The following ZNF142 variants were observed in gnomAD, a reference collection of about 807,000 sequenced individuals.
ZNF142 encodes zinc finger protein 142 (clone pHZ-49).
ZNF142 carries 96 observed loss-of-function variants against 132.1 expected under a neutral mutation model. The observed-to-expected ratio is 0.73, with a 90% CI of 0.62 to 0.86. The LOEUF is 0.86. ZNF142 is among the 40% of genes least tolerant of loss of function. ZNF142 has a pLI of 0.00. For missense variants in ZNF142, 2,163 were observed against 2,336.2 expected (o/e 0.93, Z 1.53); for synonymous variants, 842 against 890.1 (o/e 0.95, Z 0.96).
rs746240209 is a variant in ZNF142, at chr2:218,642,997, A to T, written c.4119T>A (p.Cys1373Ter). 6.2e-7 allele frequency: 1 copy of T among 1,611,882 alleles called. No individual in the cohort carries two copies. The highest frequency in any genetic ancestry group is 2.2e-5 in the East Asian group (1 of 44,820). Reference sequence around the variant, plus strand: ...GTTTACAGGTGAAGCCACAGTCCCCACACTGTAGATGGGGCCGGGGCCCAC... The same window carrying T: ...GTTTACAGGTGAAGCCACAGTCCCCTCACTGTAGATGGGGCCGGGGCCCAC... ...PARGPRPHLQ[C>*]GDCGFTCKQS... Residue 1373 changes from cysteine (C) to a stop codon, truncating the protein, a stop_gained, in exon 9 of 11, where the codon TGT becomes TGA. Transcript: ENST00000411696. LOFTEE classifies it high-confidence loss of function. The surrounding 1 kb of genome is among the most constrained non-coding windows in gnomAD (Gnocchi z 4.6).
At chr2:218,647,650 G>A (rs1251519977) in intron 7 of ZNF142, among the ~76,000 whole-genome samples, 1 of 152,128 alleles carries the variant, frequency 6.6e-6, no homozygotes. Context: ...AGCTGTCAGT[G>A]ATACTCAGTG....
intron 6 of ZNF142, among the ~76,000 whole-genome samples, chr2:218,650,069 G>A (rs925224571): frequency 6.6e-6 from 1 of 152,178 alleles, no homozygotes; most frequent in Non-Finnish European, 1.5e-5. Flanking sequence ...ATAACTTCTG[G>A]CATCTCTATA....
chr2:218,649,344 G>C lies in ZNF142; in HGVS notation c.1164C>G (p.Asp388Glu). ...GGCAGTTAGGGCACTGGAGGCTGGG[G>C]TCTGGGAAGTGGAGATGCAGGTGCT... ...LVEHLHLHFPDPSLQCPNCQK... is the reference protein window; with the variant it reads ...LVEHLHLHFPEPSLQCPNCQK... Residue 388 changes from aspartate (D) to glutamate (E), a missense_variant, in exon 7 of 11, where the codon GAC (aspartate) becomes GAG (glutamate). Around this residue, in one of 7 missense-constraint regions of ZNF142, gnomAD observed 749 missense variants for 830.3 expected, o/e 0.90. Coordinates refer to ENST00000411696, the MANE Select transcript of ZNF142 (RefSeq NM_001379659.1). 6.2e-7 allele frequency: 1 copy of C among 1,614,208 alleles called. No individual in the cohort carries two copies. The highest frequency in any genetic ancestry group is 8.5e-7 in the Non-Finnish European group (1 of 1,180,038).
At position 218,649,121 on chromosome 2, in the gene ZNF142, G is replaced by C. The variant is rs765283901; in HGVS notation, c.1387C>G (p.Arg463Gly). ...TGCTCCTTTAGGGCCTGGCTGAGGC[G>C]GAATTCCTCACGGCAGACAGGACAG... Reference protein sequence around the residue: ...YACPVCREEFRLSQALKEHLK... With the variant: ...YACPVCREEFGLSQALKEHLK... The change falls in exon 7 of 11, where the codon CGC becomes GGC. Residue 463 changes from arginine (R) to glycine (G), a missense_variant. Arg to Gly is a moderately radical substitution (Grantham distance 125). This residue lies in a region of ZNF142 where 749 missense variants were observed against 830.3 expected (regional missense o/e 0.90). Coordinates refer to ENST00000411696, the MANE Select transcript of ZNF142 (RefSeq NM_001379659.1). The C allele has an allele frequency of 6.2e-7, 1 of 1,614,108 alleles. No individual in the cohort carries two copies. Among genetic ancestry groups the C allele is most frequent in the South Asian group, 1.1e-5 (1 of 91,088 alleles).
In ZNF142 at chr2:218,634,925, T is replaced by C. The variant is rs1696624839; in HGVS notation, c.*3414A>G. Among the ~76,000 whole-genome samples the C allele has an allele frequency of 6.6e-6, 1 of 152,128 alleles. No homozygotes were observed. The highest frequency in any genetic ancestry group is 6.5e-5 in the Admixed American group (1 of 15,272). On this transcript the variant is annotated 3_prime_UTR_variant, in exon 11 of 11. Transcript: ENST00000411696. The surrounding 1 kb of genome is among the most constrained non-coding windows in gnomAD (Gnocchi z 4.0). ...ACAGTTAATATAAAGTTCTTACAAT[T>C]CCTGGCACACAGGAAGTGCTATAAA...
At chr2:218,645,302 A>T (rs914096261) in intron 8 of ZNF142, among the ~76,000 whole-genome samples, 1 of 152,236 alleles carries the variant, frequency 6.6e-6, no homozygotes, top group East Asian at 1.9e-4. Context: ...CCAGGAGCAG[A>T]GACAGCCTAG....
Position 218,634,566 on chromosome 2 carries a change from T to G in ZNF142, c.*3773A>C, listed in dbSNP as rs1190890335. ...CTGAAGCCAGACTTCCTGCGTGATA[T>G]CCAGAGTTCTTTCCACCCTGAGAAG... On this transcript the variant is annotated 3_prime_UTR_variant, in exon 11 of 11. Transcript: ENST00000411696. This position sits in a 1 kb window ranked among gnomAD's most constrained non-coding sequence, Gnocchi z 4.0. 2 of 1,614,012 alleles carry G rather than the reference T, an allele frequency of 1.2e-6. No homozygotes were observed. The highest frequency in any genetic ancestry group is 3.3e-5 in the Admixed American group (2 of 60,026).
Position 218,643,825 on chromosome 2 carries a change from C to T in ZNF142, c.3291G>A (p.Lys1097=), listed in dbSNP as rs1227659127. 2.5e-6 allele frequency: 4 copies of T among 1,613,440 alleles called. No individual in the cohort carries two copies. Among genetic ancestry groups the T allele is most frequent in the East Asian group, 2.2e-5 (1 of 44,856 alleles). ...KKCPVLLRKN[K]GLPRPDSPIP... ...TGGGTGAATCTGGTCTGGGCAAGCC[C>T]TTGTTCTTTCTGAGTAGAACAGGGC... The change falls in exon 9 of 11, where the codon AAG becomes AAA. Residue 1097 remains lysine (K), a synonymous_variant. Transcript: ENST00000411696.
At position 218,635,778 on chromosome 2, in the gene ZNF142, C is replaced by T. The variant is rs1434979232; in HGVS notation, c.*2561G>A. The T allele has an allele frequency of 1.2e-6, 2 of 1,607,840 alleles. No individual in the cohort carries two copies. Among genetic ancestry groups the T allele is most frequent in the Admixed American group, 1.7e-5 (1 of 58,934 alleles). Reference sequence around the variant, plus strand: ...GGGCTGAGCAGGAACTTGTGAGATTCCAGAGCCCTGACTACAGGTGATCAG... The same window carrying T: ...GGGCTGAGCAGGAACTTGTGAGATTTCAGAGCCCTGACTACAGGTGATCAG... On this transcript the variant is annotated 3_prime_UTR_variant, in exon 11 of 11. Transcript: ENST00000411696.
intron 8 of ZNF142, 41 bp downstream of exon 8, chr2:218,646,130 G>C (rs1339017123): frequency 6.3e-7 from 1 of 1,592,606 alleles, no homozygotes; most frequent in Non-Finnish European, 8.6e-7. Context: ...GCTTGGCTAA[G>C]ATTCTTGGGA....
At chr2:218,652,953 G>A (rs1352246001) in intron 4 of ZNF142, among the ~76,000 whole-genome samples, 2 of 142,796 alleles carry the variant, frequency 1.4e-5, no homozygotes, top group Non-Finnish European at 3.0e-5. Flanking sequence ...CTGCTGGTCT[G>A]TTTGCTCTTT....
chr2:218,654,314 T>C (rs1007054217), intron 4 of ZNF142, among the ~76,000 whole-genome samples: 2 of 152,066 alleles, frequency 1.3e-5, no homozygotes, highest in Non-Finnish European at 2.9e-5. Context: ...GTGTTTCCTA[T>C]AGCCTCATCA....
rs1009395948 is a variant in ZNF142, at chr2:218,651,766, T to C, written c.815A>G (p.His272Arg). Residue 272 changes from histidine (H) to arginine (R), a missense_variant, in exon 5 of 11, where the codon CAT becomes CGT. Around this residue, in one of 7 missense-constraint regions of ZNF142, gnomAD observed 63 missense variants for 104.1 expected, o/e 0.61. Transcript: ENST00000411696. ...AAGTTCTCCCTGTGTCCCAGCACCA[T>C]GGCTCCGCTGATGCTGCCGGAAGAG... ...VKLFRQHQRS[H>R]GAGTQGELSA... is the part of the protein sequence containing the mutation. The C allele has an allele frequency of 9.3e-6, 12 of 1,289,888 alleles. No homozygotes were observed. In the Admixed American group the frequency reaches 2.1e-4, roughly 22 times the overall value. The allele number at this position is 1,289,888 out of a possible 1,614,324, so 79.9% of individuals were successfully genotyped here. A position where few individuals can be genotyped will look rare whatever the true frequency, so the allele number is the denominator to read the frequency against.
At chr2:218,647,088 CTTA>C (rs751838562) in intron 7 of ZNF142, among the ~76,000 whole-genome samples, 56 of 152,024 alleles carry the variant, frequency 3.7e-4, no homozygotes, top group Non-Finnish European at 7.4e-4. Flanking sequence ...GAACAAAGTT[CTTA>C]TTATGTGACT....
chr2:218,644,645 G>A lies in ZNF142; in HGVS notation c.2471C>T (p.Pro824Leu), dbSNP rs746308342. 1.2e-6 allele frequency: 2 copies of A among 1,614,228 alleles called. No individual in the cohort carries two copies. The highest frequency in any genetic ancestry group is 1.7e-5 in the Admixed American group (1 of 60,026). ...PEGAMQGPTP[P>L]PDSEPSNQLS... Reference sequence around the variant, plus strand: ...CTGGTTTGAGGGCTCTGAATCTGGTGGGGGTGTTGGGCCCTGCATGGCCCC... The same window carrying A: ...CTGGTTTGAGGGCTCTGAATCTGGTAGGGGTGTTGGGCCCTGCATGGCCCC... Residue 824 changes from proline to leucine, a missense_variant, in exon 9 of 11, where the codon CCA becomes CTA. By Grantham distance (98) the Pro-to-Leu change is moderately conservative. Transcript: ENST00000411696. This position sits in a 1 kb window ranked among gnomAD's most constrained non-coding sequence, Gnocchi z 4.6.
chr2:218,653,344 G>T (rs1313281146), intron 4 of ZNF142, among the ~76,000 whole-genome samples: 1 of 151,950 alleles, frequency 6.6e-6, no homozygotes, highest in Non-Finnish European at 1.5e-5. Context: ...TTGGAAGGAC[G>T]AGGTGGGTGG....
At position 218,634,679 on chromosome 2, in the gene ZNF142, A is replaced by G. The variant is rs1348040972; in HGVS notation, c.*3660T>C. The G allele has an allele frequency of 6.3e-7, 1 of 1,590,862 alleles. No individual in the cohort carries two copies. Among genetic ancestry groups the G allele is most frequent in the Admixed American group, 1.7e-5 (1 of 58,242 alleles). On this transcript the variant is annotated 3_prime_UTR_variant, in exon 11 of 11. Coordinates refer to ENST00000411696, the MANE Select transcript of ZNF142 (RefSeq NM_001379659.1). This position sits in a 1 kb window ranked among gnomAD's most constrained non-coding sequence, Gnocchi z 4.0. ...GAAGAAACTGAGATAACTGGGATAGAAGTGAGGGAAGAGGTGGCTAGGCCT... is the reference window on the plus strand; with the variant it reads ...GAAGAAACTGAGATAACTGGGATAGGAGTGAGGGAAGAGGTGGCTAGGCCT...
chr2:218,640,393 A>C (rs1453361366), intron 10 of ZNF142, among the ~76,000 whole-genome samples: 1 of 152,196 alleles, frequency 6.6e-6, no homozygotes, highest in African/African-American at 2.4e-5. Flanking sequence ...GGGGGTTCTC[A>C]AGAGGGGAAA....
Position 218,640,061 on chromosome 2 carries a change from C to CAAAA in ZNF142, c.5194+599_5194+602dup, listed in dbSNP as rs35136548. ...TGGGCAACAGAGCGAGACTCTGTCT[C>CAAAA]AAAAAAAAAAAAAAAAAAAAAAAAA... On this transcript the variant is annotated intron_variant, in intron 10 of 10. Coordinates refer to ENST00000411696, the MANE Select transcript of ZNF142 (RefSeq NM_001379659.1). Among the ~76,000 whole-genome samples the CAAAA allele has an allele frequency of 8.5e-3, 377 of 44,252 alleles. 12 individuals are homozygous for CAAAA. The highest frequency in any genetic ancestry group is 0.01 in the Non-Finnish European group (289 of 27,556). 29.0% of individuals were successfully genotyped at this position (44,252 alleles called of 152,430 possible).
Sources: gnomAD v4.1 joint callset for allele counts (sites outside exome capture counted in the v4.1 genomes callset) on GRCh38, gnomAD v4.1.1 for gene constraint, gnomAD v4.1.1 regional missense constraint, Gnocchi (gnomAD v3.1) non-coding constraint, MANE v1.5 for transcripts, NCBI Gene and HGNC (gene_info 2026-07-23, HGNC 2026-07-21) for gene names.